The following PREP variants were observed in gnomAD, a reference collection of about 807,000 sequenced individuals.
PREP encodes the protein prolyl endopeptidase.
In PREP, 29 loss-of-function variants were observed where a neutral mutation model predicts 87.6. The ratio of observed to expected loss-of-function variants is 0.33; its 90% CI spans 0.25 to 0.45. The LOEUF (loss-of-function observed/expected upper bound fraction) is 0.45, where lower values mean the gene tolerates loss of function less well. Among genes scored for constraint, PREP ranks in the 20% least tolerant of loss-of-function variants. PREP has a pLI of 1.00. For synonymous variants in PREP, 337 were observed against 328.6 expected (o/e 1.03, Z -0.28); for missense variants, 695 against 886.5 (o/e 0.78, Z 2.74).
At chr6:105,284,213 T>G (rs1351532968) in intron 12 of PREP, among the ~76,000 whole-genome samples, 1 of 152,082 alleles carries the variant, frequency 6.6e-6, no homozygotes, top group Non-Finnish European at 1.5e-5. Context: ...TCACAATCAG[T>G]AGTTTCTGGG....
At chr6:105,287,498 A>G (rs1445475825) in intron 11 of PREP, among the ~76,000 whole-genome samples, 1 of 152,216 alleles carries the variant, frequency 6.6e-6, no homozygotes, top group Non-Finnish European at 1.5e-5. Context: ...TCTGCCAGAT[A>G]TTCGAGGTCT....
chr6:105,370,302 CAAAAAA>C (rs71549435), intron 5 of PREP, among the ~76,000 whole-genome samples: 3 of 78,032 alleles, frequency 3.8e-5, no homozygotes, highest in African/African-American at 1.3e-4. Flanking sequence ...GACTCCATCT[CAAAAAA>C]AAAAAAAAAA....
At chr6:105,283,219 A>C (rs1359795221) in intron 12 of PREP, among the ~76,000 whole-genome samples, 1 of 152,228 alleles carries the variant, frequency 6.6e-6, no homozygotes, top group East Asian at 1.9e-4. Flanking sequence ...ATGTTTTCTC[A>C]ATTCCAGAAT....
In PREP at chr6:105,350,945, A is replaced by T. The variant is rs539361986; in HGVS notation, c.823+2027T>A. On this transcript the variant is annotated intron_variant, in intron 7 of 14. Coordinates refer to ENST00000652536, the MANE Select transcript of PREP (RefSeq NM_002726.5). The stretch of plus-strand genomic sequence containing the variant: ...CAACAGCTTCAAATCCACCTATCCT[A>T]TGTTATTCTCTTCATATTCTGCTTT... Among the ~76,000 whole-genome samples, 40 of 152,240 alleles carry T rather than the reference A, an allele frequency of 2.6e-4. 1 individual carries two copies. In the South Asian group the frequency reaches 7.5e-3, roughly 28 times the overall value.
intron 11 of PREP, among the ~76,000 whole-genome samples, chr6:105,287,400 T>C (rs749538106): frequency 3.9e-5 from 6 of 152,196 alleles, no homozygotes; most frequent in African/African-American, 2.4e-5. Context: ...ATGCCACATA[T>C]ATCTTTCGAA....
intron 10 of PREP, among the ~76,000 whole-genome samples, chr6:105,304,549 C>CT (rs1013149273): frequency 1.3e-5 from 2 of 152,160 alleles, no homozygotes; most frequent in African/African-American, 4.8e-5. Flanking sequence ...CTGGGGGCCC[C>CT]TCCTGAACTC....
chr6:105,353,703 C>T (rs1169623742), intron 6 of PREP, among the ~76,000 whole-genome samples: 3 of 142,642 alleles, frequency 2.1e-5, no homozygotes, highest in East Asian at 2.1e-4. Flanking sequence ...ACCCAGGAGA[C>T]GGAGGTTGCA....
chr6:105,362,877 G>A (rs763004737), intron 6 of PREP, among the ~76,000 whole-genome samples: 23 of 152,126 alleles, frequency 1.5e-4, no homozygotes, highest in Non-Finnish European at 2.5e-4. Flanking sequence ...AGGAGGCAGG[G>A]ACCCCCCACC....
intron 10 of PREP, among the ~76,000 whole-genome samples, chr6:105,302,069 T>C (rs761691533): frequency 9.2e-5 from 14 of 152,218 alleles, no homozygotes; most frequent in Non-Finnish European, 1.9e-4. Context: ...TCTGACTTGA[T>C]TGTAGAACAT....
At position 105,282,528 on chromosome 6, in the gene PREP, T is replaced by G; in HGVS notation, c.1604A>C (p.Glu535Ala). The change falls in exon 13 of 15, where the codon GAG (glutamate) becomes GCG (alanine). Residue 535 changes from glutamate (E) to alanine (A), a missense_variant. Glu to Ala is a moderately radical substitution (Grantham distance 107, BLOSUM62 -1). This residue lies in a region of PREP where 35 missense variants were observed against 36.0 expected (regional missense o/e 0.97). Transcript: ENST00000652536. ...NCFDDFQCAA[E>A]YLIKEGYTSP... is the part of the protein sequence containing the mutation. ...TGTGTAACCTTCCTTGATCAGATAC[T>G]CAGCAGCACACTGAAAGTCATCAAA... 6.2e-7 allele frequency: 1 copy of G among 1,614,186 alleles called. No individual in the cohort carries two copies. Among genetic ancestry groups the G allele is most frequent in the Non-Finnish European group, 8.5e-7 (1 of 1,180,024 alleles).
At chr6:105,401,658 G>A (rs1299914895) in intron 1 of PREP, among the ~76,000 whole-genome samples, 1 of 152,136 alleles carries the variant, frequency 6.6e-6, no homozygotes, top group Non-Finnish European at 1.5e-5. Context: ...TGAGCTGTTA[G>A]GGTAAATTTA....
In PREP at chr6:105,389,183, C is replaced by A. The variant is rs183677847; in HGVS notation, c.120+8670G>T. Among the ~76,000 whole-genome samples, 198 of 152,340 alleles carry A rather than the reference C, an allele frequency of 1.3e-3. 1 individual carries two copies. Among genetic ancestry groups the A allele is most frequent in the African/African-American group, 4.6e-3 (193 of 41,580 alleles). ...TGCAATGCCCAAGCAGCACCATCTT[C>A]GTTTGACTGGAGCTTTGCTGTATAT... On this transcript the variant is annotated intron_variant, in intron 2 of 14. Transcript: ENST00000652536.
Position 105,275,957 on chromosome 6 carries a change from G to A in PREP, c.*2187C>T, listed in dbSNP as rs1438926606. Among the ~76,000 whole-genome samples, 1 of 152,238 alleles carries A rather than the reference G, an allele frequency of 6.6e-6. No homozygotes were observed. Among genetic ancestry groups the A allele is most frequent in the Non-Finnish European group, 1.5e-5 (1 of 68,040 alleles). On this transcript the variant is annotated 3_prime_UTR_variant, in exon 15 of 15. Coordinates refer to ENST00000652536, the MANE Select transcript of PREP (RefSeq NM_002726.5). ...TGAAAGAAGACCTAGTGTTAGATCA[G>A]TAGGGTGTCTATAGTTTACAATAAT... is the stretch of plus-strand genomic sequence containing the variant.
chr6:105,334,448 A>G lies in PREP; in HGVS notation c.824-943T>C, dbSNP rs543638802. ...AGATGAGGTCTCTCGGCTGGGCGCA[A>G]TGGCTCATGCCTGTAATCACAGCAT... is the stretch of plus-strand genomic sequence containing the variant. On this transcript the variant is annotated intron_variant, in intron 7 of 14. Transcript: ENST00000652536. 4.6e-5 allele frequency among the ~76,000 whole-genome samples: 7 copies of G among 150,982 alleles called. No homozygotes were observed. The East Asian group carries it at 1.4e-3, about 30-fold the overall frequency.
At chr6:105,342,958 A>G (rs1771698128) in intron 7 of PREP, among the ~76,000 whole-genome samples, 1 of 152,198 alleles carries the variant, frequency 6.6e-6, no homozygotes, top group Admixed American at 6.5e-5. Flanking sequence ...TGCCCAAGGT[A>G]ATTTATAGAT....
At chr6:105,385,872 A>G (rs1289630995) in intron 2 of PREP, among the ~76,000 whole-genome samples, 1 of 152,244 alleles carries the variant, frequency 6.6e-6, no homozygotes, top group Non-Finnish European at 1.5e-5. Context: ...CTGTAATCCC[A>G]GCACTTTAGG....
chr6:105,301,257 G>A, intron 10 of PREP, among the ~76,000 whole-genome samples: 1 of 152,232 alleles, frequency 6.6e-6, no homozygotes, highest in Middle Eastern at 3.2e-3. Flanking sequence ...ATAAAAGGGT[G>A]TTGAGCTCCC....
intron 5 of PREP, among the ~76,000 whole-genome samples, chr6:105,371,744 C>T (rs555887309): frequency 6.6e-6 from 1 of 152,190 alleles, no homozygotes; most frequent in South Asian, 2.1e-4. Flanking sequence ...GTAAGAAGCA[C>T]ATGGTAGGAA....
chr6:105,287,362 T>C (rs74450296), intron 11 of PREP, among the ~76,000 whole-genome samples: 2,355 of 152,326 alleles, frequency 0.015, 60 homozygotes, highest in African/African-American at 0.054. Flanking sequence ...CTTTTCTAAC[T>C]AGTTTCCCTT....
Sources: allele counts gnomAD v4.1 joint callset (sites outside exome capture counted in the v4.1 genomes callset), GRCh38; gene constraint gnomAD v4.1.1; regional missense constraint gnomAD v4.1.1; transcripts MANE v1.5; gene names NCBI Gene and HGNC (gene_info 2026-07-23, HGNC 2026-07-21).